Variants in EPAS1 observed in about 807,000 individuals in gnomAD.
EPAS1 encodes the protein endothelial PAS domain protein 1, also known as endothelial PAS domain-containing protein 1.
Under a neutral mutation model 87.9 loss-of-function variants are expected in EPAS1, and 23 were observed. That is an observed-to-expected ratio of 0.26 (90% CI 0.19 to 0.37). EPAS1 has a LOEUF of 0.37. Among genes scored for constraint, EPAS1 ranks in the 10% least tolerant of loss-of-function variants. EPAS1 has a pLI of 1.00. For synonymous variants in EPAS1, 508 were observed against 444.3 expected (o/e 1.14, Z -1.80); for missense variants, 1,138 against 1,120.7 (o/e 1.02, Z -0.22).
At position 46,346,492 on chromosome 2, in the gene EPAS1, C is replaced by T. The variant is rs149128806; in HGVS notation, c.27-381C>T. Among the ~76,000 whole-genome samples, 10 of 152,346 alleles carry T rather than the reference C, an allele frequency of 6.6e-5. No individual in the cohort carries two copies. The East Asian group carries it at 1.9e-3, about 29-fold the overall frequency. ...GCCCTTGACAAAGCCATCTGAGCCA[C>T]TGATCATAGCTTCCTTACCCTTCTC... On this transcript the variant is annotated intron_variant, in intron 1 of 15. Transcript: ENST00000263734. This position sits in a 1 kb window ranked among gnomAD's most constrained non-coding sequence, Gnocchi z 4.0.
Position 46,356,711 on chromosome 2 carries a change from G to A in EPAS1, c.370-13G>A. ...GTTAGGAATAATGATGCCTAACCTT[G>A]TTTTTGAAACAGGTGGAGCTAACAG... On this transcript the variant is annotated splice_polypyrimidine_tract_variant and intron_variant, in intron 3 of 15. Transcript: ENST00000263734. 1.9e-6 allele frequency: 3 copies of A among 1,604,902 alleles called. No individual in the cohort carries two copies. The highest frequency in any genetic ancestry group is 2.6e-6 in the Non-Finnish European group (3 of 1,171,640).
Position 46,360,673 on chromosome 2 carries a change from A to G in EPAS1, c.490A>G (p.Thr164Ala). The G allele has an allele frequency of 6.2e-7, 1 of 1,614,028 alleles. No individual in the cohort carries two copies. Among genetic ancestry groups the G allele is most frequent in the Non-Finnish European group, 8.5e-7 (1 of 1,180,024 alleles). ...GFGKKSKDMS[T>A]ERDFFMRMKC... is the part of the protein sequence containing the mutation. ...TGGGAAAAAAAGCAAAGACATGTCCACAGAGCGGGACTTCTTCATGAGGAT... is the reference window on the plus strand; with the variant it reads ...TGGGAAAAAAAGCAAAGACATGTCCGCAGAGCGGGACTTCTTCATGAGGAT... Residue 164 changes from threonine to alanine, a missense_variant, in exon 5 of 16, where the codon ACA becomes GCA. Physicochemically the swap from Thr to Ala is moderately conservative, Grantham distance 58 (BLOSUM62 0). This residue lies in a region of EPAS1 where 351 missense variants were observed against 417.1 expected (regional missense o/e 0.84). Coordinates refer to ENST00000263734, the MANE Select transcript of EPAS1 (RefSeq NM_001430.5). The surrounding 1 kb of genome is among the most constrained non-coding windows in gnomAD (Gnocchi z 4.5).
Position 46,346,800 on chromosome 2 carries a change from G to A in EPAS1, c.27-73G>A. ...TGGCTGCACTGGGGGTTGGGGCCAT[G>A]GGGATGTCCTGGCCAGAGGTATGAT... is the stretch of plus-strand genomic sequence containing the variant. On this transcript the variant is annotated intron_variant, in intron 1 of 15. Coordinates refer to ENST00000263734, the MANE Select transcript of EPAS1 (RefSeq NM_001430.5). This position sits in a 1 kb window ranked among gnomAD's most constrained non-coding sequence, Gnocchi z 4.0. The A allele has an allele frequency of 1.3e-6, 2 of 1,544,150 alleles. No individual in the cohort carries two copies. Among genetic ancestry groups the A allele is most frequent in the Admixed American group, 1.8e-5 (1 of 55,632 alleles).
intron 2 of EPAS1, among the ~76,000 whole-genome samples, chr2:46,355,627 A>C (rs938546704): frequency 6.6e-6 from 1 of 152,218 alleles, no homozygotes; most frequent in African/African-American, 2.4e-5. Context: ...TACTACGACT[A>C]CCATTATATT....
chr2:46,308,354 C>A (rs1364252995), intron 1 of EPAS1, among the ~76,000 whole-genome samples: 2 of 151,134 alleles, frequency 1.3e-5, no homozygotes, highest in Non-Finnish European at 2.9e-5. Context: ...TCCTTGTTAT[C>A]TAATGACACT....
At chr2:46,370,401 A>C (rs781686385) in intron 7 of EPAS1, among the ~76,000 whole-genome samples, 6 of 152,232 alleles carry the variant, frequency 3.9e-5, no homozygotes, top group Non-Finnish European at 8.8e-5. Context: ...TGGACCTTGA[A>C]GGATCGGGGA....
Position 46,346,984 on chromosome 2 carries a change from T to A in EPAS1, c.138T>A (p.Ser46Arg). 6.2e-7 allele frequency: 1 copy of A among 1,614,130 alleles called. No homozygotes were observed. Among genetic ancestry groups the A allele is most frequent in the Non-Finnish European group, 8.5e-7 (1 of 1,180,012 alleles). ...ELAHELPLPHSVSSHLDKASI... is the reference protein window; with the variant it reads ...ELAHELPLPHRVSSHLDKASI... ...CCCATGAGCTGCCTCTGCCCCACAG[T>A]GTGAGCTCCCATCTGGACAAGGCCT... is the stretch of plus-strand genomic sequence containing the variant. Residue 46 changes from serine (S) to arginine (R), a missense_variant, in exon 2 of 16, where the codon AGT becomes AGA. This residue lies in a region of EPAS1 where 351 missense variants were observed against 417.1 expected (regional missense o/e 0.84). Coordinates refer to ENST00000263734, the MANE Select transcript of EPAS1 (RefSeq NM_001430.5). This position sits in a 1 kb window ranked among gnomAD's most constrained non-coding sequence, Gnocchi z 4.0.
rs966203454 is a variant in EPAS1, at chr2:46,381,532, G to A, written c.2046-64G>A. On this transcript the variant is annotated intron_variant, in intron 12 of 15. Coordinates refer to ENST00000263734, the MANE Select transcript of EPAS1 (RefSeq NM_001430.5). Reference sequence around the variant, plus strand: ...TTGGGACTGGAAGGGCCCCTAAGATGAGAAGGCACTGAGTGGCATGTGGCT... The same window carrying A: ...TTGGGACTGGAAGGGCCCCTAAGATAAGAAGGCACTGAGTGGCATGTGGCT... 3.7e-6 allele frequency: 6 copies of A among 1,612,666 alleles called. No homozygotes were observed. In the African/African-American group the frequency reaches 5.3e-5, roughly 14 times the overall value.
At chr2:46,365,643 G>T (rs561705346) in intron 6 of EPAS1, among the ~76,000 whole-genome samples, 15 of 152,294 alleles carry the variant, frequency 9.8e-5, no homozygotes, top group African/African-American at 3.4e-4. Context: ...TAATTACAGA[G>T]CTGGTTGTAT....
chr2:46,375,496 T>C lies in EPAS1; in HGVS notation c.887-194T>C. 3.0e-6 allele frequency: 2 copies of C among 658,290 alleles called. No individual in the cohort carries two copies. The highest frequency in any genetic ancestry group is 5.3e-6 in the Non-Finnish European group (2 of 378,484). 40.8% of individuals were successfully genotyped at this position (658,290 alleles called of 1,614,324 possible). On this transcript the variant is annotated intron_variant, in intron 7 of 15. Transcript: ENST00000263734. This position sits in a 1 kb window ranked among gnomAD's most constrained non-coding sequence, Gnocchi z 4.1. ...CACCTCTTCTCACCTCTTTTTCCTATATTTAAAATGAAGAGTTGGCTGAGG... is the reference window on the plus strand; with the variant it reads ...CACCTCTTCTCACCTCTTTTTCCTACATTTAAAATGAAGAGTTGGCTGAGG...
chr2:46,356,313 C>T lies in EPAS1; in HGVS notation c.369+11C>T, dbSNP rs201401429. The T allele has an allele frequency of 2.5e-6, 4 of 1,614,154 alleles. No homozygotes were observed. Among genetic ancestry groups the T allele is most frequent in the Admixed American group, 1.7e-5 (1 of 60,024 alleles). On this transcript the variant is annotated intron_variant, in intron 3 of 15. Coordinates refer to ENST00000263734, the MANE Select transcript of EPAS1 (RefSeq NM_001430.5). ...ATGGGACTTACACAGGTGACACCCT[C>T]CTCTATCTCTTTCAAAAGAAGAAAT... is the stretch of plus-strand genomic sequence containing the variant.
intron 1 of EPAS1, among the ~76,000 whole-genome samples, chr2:46,325,785 C>T (rs991260567): frequency 6.6e-6 from 1 of 152,142 alleles, no homozygotes; most frequent in Non-Finnish European, 1.5e-5. Flanking sequence ...ACTTGAAATC[C>T]TATTACCATG....
At chr2:46,352,361 C>T (rs552866109) in intron 2 of EPAS1, among the ~76,000 whole-genome samples, 1 of 152,338 alleles carries the variant, frequency 6.6e-6, no homozygotes, top group Admixed American at 6.5e-5. Context: ...CCCTGATTCT[C>T]CTTAAGACAG....
At chr2:46,309,583 C>T (rs1475176134) in intron 1 of EPAS1, among the ~76,000 whole-genome samples, 3 of 152,140 alleles carry the variant, frequency 2.0e-5, no homozygotes, top group Admixed American at 6.5e-5. Context: ...GCATGAAGAC[C>T]TAGGTCTGTC....
Position 46,384,495 on chromosome 2 carries a change from A to G in EPAS1, c.2462-14A>G. 1 of 1,614,222 alleles carries G rather than the reference A, an allele frequency of 6.2e-7. No individual in the cohort carries two copies. Among genetic ancestry groups the G allele is most frequent in the Non-Finnish European group, 8.5e-7 (1 of 1,180,040 alleles). On this transcript the variant is annotated splice_polypyrimidine_tract_variant and intron_variant, in intron 15 of 15. Transcript: ENST00000263734. ...ATTTAGGCCTTTAAGTTATGGTACCAACCCTTCTTTCAGGCATGGCAAGCC... is the reference window on the plus strand; with the variant it reads ...ATTTAGGCCTTTAAGTTATGGTACCGACCCTTCTTTCAGGCATGGCAAGCC...
chr2:46,301,535 C>G (rs1682997653), intron 1 of EPAS1, among the ~76,000 whole-genome samples: 1 of 150,004 alleles, frequency 6.7e-6, no homozygotes, highest in Admixed American at 6.6e-5. Flanking sequence ...GGAGATAGCG[C>G]TGCTGCACTC....
intron 1 of EPAS1, among the ~76,000 whole-genome samples, chr2:46,302,118 CTGTGTGTGTGTGTGTG>C (rs35880089): frequency 6.3e-5 from 8 of 127,576 alleles, no homozygotes; most frequent in Non-Finnish European, 1.1e-4. Flanking sequence ...CTCTTTCTCT[CTGTGTGTGTGTGTGTG>C]TGTGTGTGTG....
Position 46,304,044 on chromosome 2 carries a change from C to T in EPAS1, c.26+6107C>T, listed in dbSNP as rs61262904. ...ACTGGTATGATTCATTTTATTAATG[C>T]TTCTGAAAAATGACTGTGAAAACAA... is the stretch of plus-strand genomic sequence containing the variant. On this transcript the variant is annotated intron_variant, in intron 1 of 15. Coordinates refer to ENST00000263734, the MANE Select transcript of EPAS1 (RefSeq NM_001430.5). 3.0e-3 allele frequency among the ~76,000 whole-genome samples: 462 copies of T among 152,306 alleles called. 5 individuals carry two copies. The highest frequency in any genetic ancestry group is 0.011 in the African/African-American group (442 of 41,564).
At chr2:46,313,767 A>G (rs1429463008) in intron 1 of EPAS1, among the ~76,000 whole-genome samples, 3 of 152,006 alleles carry the variant, frequency 2.0e-5, no homozygotes, top group African/African-American at 7.2e-5. Context: ...GTCATAATTT[A>G]TTTGCTTATC....
Sources: allele counts gnomAD v4.1 joint callset (sites outside exome capture counted in the v4.1 genomes callset), GRCh38; gene constraint gnomAD v4.1.1; regional missense constraint gnomAD v4.1.1; non-coding constraint Gnocchi (gnomAD v3.1); transcripts MANE v1.5; gene names NCBI Gene and HGNC (gene_info 2026-07-23, HGNC 2026-07-21).